KLHL29: variants seen among roughly 807,000 people sequenced by gnomAD.
The protein encoded by KLHL29 is kelch like family member 29, also known as kelch-like protein 29.
KLHL29 carries 21 observed loss-of-function variants against 80.4 expected under a neutral mutation model. The ratio of observed to expected loss-of-function variants is 0.26; its 90% confidence interval spans 0.19 to 0.38. KLHL29 has a LOEUF of 0.38. Among genes scored for constraint, KLHL29 ranks in the 10% least tolerant of loss-of-function variants. The pLI is 1.00. For synonymous variants in KLHL29, 511 were observed against 526.8 expected, an observed-to-expected ratio of 0.97 and a Z score of 0.41; for missense variants, 867 against 1,223.9, an observed-to-expected ratio of 0.71 and a Z score of 4.35.
chr2:23,450,572 A>T (rs1408950113), intron 1 of KLHL29, among the ~76,000 whole-genome samples: 1 of 150,918 alleles, frequency 6.6e-6, no homozygotes, highest in Non-Finnish European at 1.5e-5. Flanking sequence ...TTGAAAGACT[A>T]AAAAAAAATG....
chr2:23,605,586 T>C (rs1430107371), intron 3 of KLHL29, among the ~76,000 whole-genome samples: 1 of 152,164 alleles, frequency 6.6e-6, no homozygotes, highest in Non-Finnish European at 1.5e-5. Flanking sequence ...AAAGTCGATT[T>C]GGTATATTTT....
At chr2:23,587,016 T>A (rs1209932032) in intron 3 of KLHL29, among the ~76,000 whole-genome samples, 4 of 152,140 alleles carry the variant, frequency 2.6e-5, no homozygotes, top group Non-Finnish European at 5.9e-5. Flanking sequence ...TAACTCTTTG[T>A]CCCAGAGTTG....
chr2:23,598,921 G>T (rs1448983427), intron 3 of KLHL29, among the ~76,000 whole-genome samples: 1 of 152,248 alleles, frequency 6.6e-6, no homozygotes, highest in African/African-American at 2.4e-5. Context: ...GTAGAGCAGT[G>T]TGGGCAGTGG....
At chr2:23,619,261 T>A (rs1669106086) in intron 3 of KLHL29, among the ~76,000 whole-genome samples, 1 of 152,232 alleles carries the variant, frequency 6.6e-6, no homozygotes, top group South Asian at 2.1e-4. Flanking sequence ...GCTAAATATG[T>A]CACACCTGGG....
rs367935918 is a variant in KLHL29, at chr2:23,503,738, C to T, written c.-46+28071C>T. Among the ~76,000 whole-genome samples, 5 of 152,210 alleles carry T rather than the reference C, an allele frequency of 3.3e-5. No homozygotes were observed. The highest frequency in any genetic ancestry group is 7.2e-5 in the African/African-American group (3 of 41,452). ...GACAAGTGAGTTCTGTGACCCTGAC[C>T]GGCAGCAGCTGCCAGCGAAGGAGGA... is the stretch of plus-strand genomic sequence containing the variant. On this transcript the variant is annotated intron_variant, in intron 2 of 13. Transcript: ENST00000486442. This position sits in a 1 kb window ranked among gnomAD's most constrained non-coding sequence, Gnocchi z 4.0.
chr2:23,556,256 A>G (rs1667291510), intron 2 of KLHL29, among the ~76,000 whole-genome samples: 1 of 152,084 alleles, frequency 6.6e-6, no homozygotes, highest in Admixed American at 6.5e-5. Context: ...GGGAAACCGA[A>G]GCCTGATGTC....
intron 3 of KLHL29, among the ~76,000 whole-genome samples, chr2:23,563,888 T>G (rs376602206): frequency 1.3e-5 from 2 of 151,956 alleles, no homozygotes; most frequent in Non-Finnish European, 2.9e-5. Flanking sequence ...AGATGGAGGA[T>G]TATTTGGGCA....
At chr2:23,571,021 C>G (rs575086277) in intron 3 of KLHL29, among the ~76,000 whole-genome samples, 11 of 152,238 alleles carry the variant, frequency 7.2e-5, no homozygotes, top group South Asian at 4.1e-4. Flanking sequence ...CGCCATGGCT[C>G]TGGTGTCTCT....
intron 2 of KLHL29, among the ~76,000 whole-genome samples, chr2:23,544,082 A>T (rs926752290): frequency 6.6e-6 from 1 of 152,178 alleles, no homozygotes; most frequent in Admixed American, 6.5e-5. Context: ...TCTTTGACAT[A>T]ACCTGACTGA....
intron 1 of KLHL29, among the ~76,000 whole-genome samples, chr2:23,386,116 C>G (rs950112980): frequency 6.6e-6 from 1 of 152,118 alleles, no homozygotes; most frequent in African/African-American, 2.4e-5. Flanking sequence ...GAGCAGCCCC[C>G]CTGCTGGGCC....
intron 3 of KLHL29, among the ~76,000 whole-genome samples, chr2:23,621,257 C>G (rs1317670873): frequency 6.6e-6 from 1 of 152,176 alleles, no homozygotes; most frequent in Non-Finnish European, 1.5e-5. Context: ...GCCAGACCTC[C>G]CAGGGGAGAG....
chr2:23,405,164 T>G (rs767450234), intron 1 of KLHL29, among the ~76,000 whole-genome samples: 6 of 152,260 alleles, frequency 3.9e-5, no homozygotes, highest in Admixed American at 3.9e-4. Context: ...CATACTTCTC[T>G]CATGCATAAC....
intron 3 of KLHL29, among the ~76,000 whole-genome samples, chr2:23,598,225 G>A (rs1668476965): frequency 1.3e-5 from 2 of 152,136 alleles, no homozygotes; most frequent in African/African-American, 4.8e-5. Flanking sequence ...ATCAAATCCT[G>A]TAGGGCAGGT....
At chr2:23,465,281 A>G (rs1417481305) in intron 1 of KLHL29, among the ~76,000 whole-genome samples, 3 of 152,206 alleles carry the variant, frequency 2.0e-5, no homozygotes, top group Non-Finnish European at 2.9e-5. Flanking sequence ...GCATCCTGCT[A>G]GAGCAAACAG....
chr2:23,651,689 T>G (rs1471337828), intron 5 of KLHL29, among the ~76,000 whole-genome samples: 1 of 152,110 alleles, frequency 6.6e-6, no homozygotes, highest in Non-Finnish European at 1.5e-5. Flanking sequence ...ATGCCACAAA[T>G]TGGGTGGCTT....
intron 3 of KLHL29, among the ~76,000 whole-genome samples, chr2:23,571,513 A>G (rs1289038910): frequency 1.3e-5 from 2 of 152,226 alleles, no homozygotes; most frequent in African/African-American, 4.8e-5. Context: ...GATTCTGGCC[A>G]GGCATGGTGA....
chr2:23,429,579 C>A (rs575424516), intron 1 of KLHL29, among the ~76,000 whole-genome samples: 4 of 152,230 alleles, frequency 2.6e-5, no homozygotes, highest in Admixed American at 2.6e-4. Context: ...ATGGTGAAAC[C>A]TCGTCTCTAC....
chr2:23,535,839 T>C (rs1386741960), intron 2 of KLHL29, among the ~76,000 whole-genome samples: 3 of 152,202 alleles, frequency 2.0e-5, no homozygotes, highest in Non-Finnish European at 4.4e-5. Context: ...GTGGTGATAG[T>C]TACACAACAT....
intron 2 of KLHL29, among the ~76,000 whole-genome samples, chr2:23,493,145 G>T (rs1368900978): frequency 1.3e-5 from 2 of 152,154 alleles, no homozygotes; most frequent in Non-Finnish European, 2.9e-5. Context: ...CACTTCACAA[G>T]CCTGGCCAGC....
Sources: gnomAD v4.1 joint callset for allele counts (sites outside exome capture counted in the v4.1 genomes callset) on GRCh38, gnomAD v4.1.1 for gene constraint, Gnocchi (gnomAD v3.1) non-coding constraint, MANE v1.5 for transcripts, NCBI Gene and HGNC (gene_info 2026-07-23, HGNC 2026-07-21) for gene names.